The following PIGK variants were observed in gnomAD, a reference collection of about 807,000 sequenced individuals.
The protein encoded by PIGK is GPI-anchor transamidase.
A neutral mutation model predicts 50.6 loss-of-function variants in PIGK; 42 were observed. The observed-to-expected ratio is 0.83, with a 90% CI of 0.65 to 1.07. The LOEUF is 1.07. PIGK is among the 50% of genes least tolerant of loss of function. The pLI is 0.00. For synonymous variants in PIGK, 151 were observed against 156.0 expected (o/e 0.97, Z 0.24); for missense variants, 448 against 488.7 (o/e 0.92, Z 0.78).
intron 10 of PIGK, among the ~76,000 whole-genome samples, chr1:77,109,308 A>G (rs1016392089): frequency 1.3e-5 from 2 of 152,208 alleles, no homozygotes; most frequent in South Asian, 2.1e-4. Flanking sequence ...CACAACAACA[A>G]AAGAGAATTT....
intron 3 of PIGK, chr1:77,195,120 G>A: frequency 1.7e-6 from 2 of 1,207,190 alleles, no homozygotes; most frequent in Non-Finnish European, 2.4e-6. Context: ...TACACAGGAA[G>A]GAGGGTGATT....
chr1:77,173,501 C>A (rs961533586), intron 3 of PIGK, among the ~76,000 whole-genome samples: 4 of 152,136 alleles, frequency 2.6e-5, no homozygotes, highest in South Asian at 2.1e-4. Flanking sequence ...TGAGGCTACT[C>A]AGGGAAGGGG....
intron 3 of PIGK, among the ~76,000 whole-genome samples, chr1:77,192,447 T>C (rs370104732): frequency 5.9e-5 from 9 of 152,162 alleles, no homozygotes; most frequent in Admixed American, 2.0e-4. Flanking sequence ...ATATTTTAGA[T>C]TCCACATTGC....
chr1:77,122,134 TA>T (rs1654111470), intron 10 of PIGK, 140 bp downstream of exon 10: 2 of 526,594 alleles, frequency 3.8e-6, no homozygotes, highest in South Asian at 6.5e-5. Flanking sequence ...TCAACTGTAA[TA>T]GGGGTAGTCT....
At chr1:77,180,181 T>C (rs1432465710) in intron 3 of PIGK, among the ~76,000 whole-genome samples, 2 of 152,210 alleles carry the variant, frequency 1.3e-5, no homozygotes, top group Admixed American at 6.5e-5. Context: ...TATTCTACCA[T>C]GCATGATGAT....
intron 9 of PIGK, among the ~76,000 whole-genome samples, chr1:77,126,969 G>A (rs916939018): frequency 6.6e-6 from 1 of 151,894 alleles, no homozygotes; most frequent in Non-Finnish European, 1.5e-5. Context: ...ACTTAATAAG[G>A]GAATAATTTC....
rs994659497 is a variant in PIGK, at chr1:77,154,277, T to C, written c.986+172A>G. The C allele has an allele frequency of 6.9e-6, 4 of 576,528 alleles. No homozygotes were observed. The Admixed American group carries it at 9.9e-5, about 14-fold the overall frequency. 35.7% of individuals were successfully genotyped at this position (576,528 alleles called of 1,614,324 possible). A position where few individuals can be genotyped will look rare whatever the true frequency, so the allele number is the denominator to read the frequency against. ...TGATCTTAGTTTCCACTAATATTGA[T>C]AGTTTTTACATATAAATCTGAAAAG... On this transcript the variant is annotated intron_variant, in intron 9 of 10. Coordinates refer to ENST00000370812, the MANE Select transcript of PIGK (RefSeq NM_005482.3).
intron 6 of PIGK, among the ~76,000 whole-genome samples, chr1:77,163,639 G>A (rs1284051115): frequency 6.6e-6 from 1 of 151,852 alleles, no homozygotes; most frequent in East Asian, 1.9e-4. Flanking sequence ...AATCTTAAAA[G>A]GTTAACTATT....
At chr1:77,111,763 A>T (rs938918421) in intron 10 of PIGK, among the ~76,000 whole-genome samples, 1 of 152,154 alleles carries the variant, frequency 6.6e-6, no homozygotes, top group African/African-American at 2.4e-5. Flanking sequence ...ATAATAATAA[A>T]AAATAAAATT....
intron 3 of PIGK, among the ~76,000 whole-genome samples, chr1:77,184,783 C>A (rs1434681483): frequency 1.3e-5 from 2 of 152,170 alleles, no homozygotes; most frequent in African/African-American, 4.8e-5. Flanking sequence ...GGCTCCTTGA[C>A]TGGTAGGGTG....
chr1:77,129,754 C>A, intron 9 of PIGK: 2 of 844,592 alleles, frequency 2.4e-6, no homozygotes, highest in Non-Finnish European at 1.7e-6. Flanking sequence ...CTATCTGGCC[C>A]TTTACAGAAA....
chr1:77,153,436 T>C (rs1217013262), intron 9 of PIGK: 3 of 152,064 alleles, frequency 2.0e-5, no homozygotes, highest in Non-Finnish European at 4.4e-5. Flanking sequence ...TTTGACAGAA[T>C]AGTAGGGAAA....
intron 9 of PIGK, chr1:77,153,751 T>C (rs1356374669): frequency 1.3e-5 from 2 of 152,148 alleles, no homozygotes; most frequent in Non-Finnish European, 2.9e-5. Context: ...TGAAAATTGC[T>C]GTAATTGTAT....
intron 3 of PIGK, among the ~76,000 whole-genome samples, chr1:77,190,665 A>G (rs1033283524): frequency 6.6e-6 from 1 of 152,360 alleles, no homozygotes; most frequent in East Asian, 1.9e-4. Context: ...CAGTGCCTCA[A>G]TTGTAAAACT....
chr1:77,090,139 A>G lies in PIGK; in HGVS notation c.*2235T>C, dbSNP rs1653264040. 6.6e-6 allele frequency: 1 copy of G among 152,220 alleles called. No homozygotes were observed. The highest frequency in any genetic ancestry group is 2.1e-4 in the South Asian group (1 of 4,834). The allele number at this position is 152,220 out of a possible 1,614,324, so 9.4% of individuals were successfully genotyped here. On this transcript the variant is annotated 3_prime_UTR_variant, in exon 11 of 11. Transcript: ENST00000370812. ...AATACTATCTCATCTGATTCTCACC[A>G]CAACACTGTGAGAAAGGCAAAAACA...
At chr1:77,110,411 G>A (rs1310263079) in intron 10 of PIGK, among the ~76,000 whole-genome samples, 1 of 151,838 alleles carries the variant, frequency 6.6e-6, no homozygotes, top group African/African-American at 2.4e-5. Flanking sequence ...CCAAAACAGA[G>A]ATATAGACCA....
At chr1:77,141,374 G>A (rs1420286973) in intron 9 of PIGK, among the ~76,000 whole-genome samples, 1 of 152,038 alleles carries the variant, frequency 6.6e-6, no homozygotes, top group Non-Finnish European at 1.5e-5. Flanking sequence ...AGAAGCTGAT[G>A]CCATCAGATA....
intron 10 of PIGK, among the ~76,000 whole-genome samples, chr1:77,114,544 T>C (rs1402456361): frequency 3.3e-5 from 5 of 152,082 alleles, no homozygotes; most frequent in African/African-American, 1.2e-4. Flanking sequence ...TTATAGAAAT[T>C]TCACATATCA....
At chr1:77,150,555 C>T (rs1004094864) in intron 9 of PIGK, among the ~76,000 whole-genome samples, 9 of 148,650 alleles carry the variant, frequency 6.1e-5, no homozygotes, top group African/African-American at 1.7e-4. Flanking sequence ...AAAAGATCAA[C>T]AAAGCAAACT....
Sources: gnomAD v4.1 joint callset for allele counts (sites outside exome capture counted in the v4.1 genomes callset) on GRCh38, gnomAD v4.1.1 for gene constraint, MANE v1.5 for transcripts, NCBI Gene and HGNC (gene_info 2026-07-23, HGNC 2026-07-21) for gene names.